Variants in NAV2 observed in about 807,000 individuals in gnomAD.
NAV2 encodes helicase, APC down-regulated 1.
In NAV2, 54 loss-of-function variants were observed where a neutral mutation model predicts 223.2. That is an observed-to-expected ratio of 0.24 (90% confidence interval 0.19 to 0.30). The LOEUF (loss-of-function observed/expected upper bound fraction) is 0.30. Ranked by LOEUF, NAV2 falls within the 10% of genes least tolerant of loss-of-function variation. The pLI is 1.00. For missense variants in NAV2, 2,806 were observed against 3,147.5 expected (o/e 0.89, Z 2.60); for synonymous variants, 1,279 against 1,239.3 (o/e 1.03, Z -0.67).
chr11:19,570,029 C>T (rs1016183322), intron 1 of NAV2, among the ~76,000 whole-genome samples: 6 of 152,212 alleles, frequency 3.9e-5, no homozygotes, highest in Admixed American at 3.9e-4. Flanking sequence ...GGGGGAACAT[C>T]TGTATTTCTT....
intron 1 of NAV2, among the ~76,000 whole-genome samples, chr11:19,451,372 C>T (rs540913564): frequency 6.6e-6 from 1 of 152,182 alleles, no homozygotes; most frequent in East Asian, 1.9e-4. Context: ...GGAAGCAGAT[C>T]TCACCCTAAT....
chr11:19,444,560 C>A (rs1011033946), intron 1 of NAV2, among the ~76,000 whole-genome samples: 1 of 152,004 alleles, frequency 6.6e-6, no homozygotes, highest in Non-Finnish European at 1.5e-5. Flanking sequence ...ACCGGCCCCC[C>A]ACTGCCCACC....
At chr11:19,776,337 G>GT (rs1430363357) in intron 1 of NAV2, among the ~76,000 whole-genome samples, 2 of 152,162 alleles carry the variant, frequency 1.3e-5, no homozygotes, top group African/African-American at 4.8e-5. Flanking sequence ...AGGTGGGGAG[G>GT]TCCCCAGTCC....
chr11:19,649,142 G>A (rs1169443647), intron 1 of NAV2, among the ~76,000 whole-genome samples: 2 of 152,140 alleles, frequency 1.3e-5, no homozygotes, highest in South Asian at 2.1e-4. Context: ...ACTGTGCTAT[G>A]AGGAACATTC....
intron 1 of NAV2, among the ~76,000 whole-genome samples, chr11:19,588,108 TC>T (rs1425989397): frequency 6.6e-6 from 1 of 152,246 alleles, no homozygotes; most frequent in African/African-American, 2.4e-5. Context: ...TCTATTCCTT[TC>T]TTCCCTGACT....
At chr11:19,892,641 A>C in intron 6 of NAV2, 47 bp downstream of exon 6, 1 of 1,593,130 alleles carries the variant, frequency 6.3e-7, no homozygotes, top group Middle Eastern at 1.7e-4. Flanking sequence ...CCTTCAGAGC[A>C]CATCTACCTA....
intron 1 of NAV2, among the ~76,000 whole-genome samples, chr11:19,548,122 CA>C (rs2044564585): frequency 6.6e-6 from 1 of 152,174 alleles, no homozygotes; most frequent in Non-Finnish European, 1.5e-5. Context: ...ATAGGTTTAG[CA>C]ATGATGTCTC....
At chr11:19,938,343 C>T (rs2046096844) in intron 7 of NAV2, among the ~76,000 whole-genome samples, 1 of 152,130 alleles carries the variant, frequency 6.6e-6, no homozygotes, top group Admixed American at 6.5e-5. Context: ...CCTAATTGGC[C>T]TCTAAATGGT....
chr11:19,661,985 C>T (rs61028517), intron 1 of NAV2, among the ~76,000 whole-genome samples: 4,200 of 152,224 alleles, frequency 0.028, 180 homozygotes, highest in African/African-American at 0.085. Context: ...TCAATTGCTA[C>T]TGGCTGCCTG....
intron 35 of NAV2, among the ~76,000 whole-genome samples, chr11:20,106,492 G>A (rs540963553): frequency 4.0e-4 from 56 of 141,710 alleles, no homozygotes; most frequent in African/African-American, 1.3e-3. Context: ...CCCAGGAGGC[G>A]GAGGCTGCTG....
At chr11:19,956,396 G>GCTCTCTCT (rs1295110922) in intron 10 of NAV2, among the ~76,000 whole-genome samples, 1 of 148,850 alleles carries the variant, frequency 6.7e-6, no homozygotes, top group African/African-American at 2.5e-5. Flanking sequence ...ACACACACAC[G>GCTCTCTCT]CTCTCTCTCT....
chr11:19,454,796 C>G (rs1851904306), intron 1 of NAV2, among the ~76,000 whole-genome samples: 1 of 152,080 alleles, frequency 6.6e-6, no homozygotes, highest in Admixed American at 6.5e-5. Context: ...AAGGAGCTAG[C>G]AAGGGGAGTG....
chr11:19,696,176 T>TA (rs936865139), intron 1 of NAV2, among the ~76,000 whole-genome samples: 18 of 151,608 alleles, frequency 1.2e-4, no homozygotes, highest in African/African-American at 4.4e-4. Flanking sequence ...GAAAAAAAAA[T>TA]AAAAAAAATA....
intron 1 of NAV2, among the ~76,000 whole-genome samples, chr11:19,611,145 C>A (rs2135330511): frequency 6.6e-6 from 1 of 152,258 alleles, no homozygotes; most frequent in South Asian, 2.1e-4. Context: ...GCAGAAACCC[C>A]TGATAAACCC....
chr11:19,735,874 G>A (rs973055164), intron 1 of NAV2, among the ~76,000 whole-genome samples: 5 of 152,178 alleles, frequency 3.3e-5, no homozygotes, highest in Non-Finnish European at 7.3e-5. Context: ...ATGGAGGTTG[G>A]GAGGCTGACA....
chr11:19,917,868 T>G (rs1425754946), intron 6 of NAV2, among the ~76,000 whole-genome samples: 1 of 152,212 alleles, frequency 6.6e-6, no homozygotes, highest in Non-Finnish European at 1.5e-5. Flanking sequence ...CCGCCTACCT[T>G]GGCCTCCAAA....
chr11:19,898,593 C>A (rs1050057423), intron 6 of NAV2, among the ~76,000 whole-genome samples: 1 of 152,142 alleles, frequency 6.6e-6, no homozygotes. Context: ...TAATCACTTT[C>A]ATTTATGTTG....
chr11:19,658,912 A>G (rs2048198969), intron 1 of NAV2, among the ~76,000 whole-genome samples: 1 of 152,228 alleles, frequency 6.6e-6, no homozygotes, highest in Non-Finnish European at 1.5e-5. Context: ...TTATAGAGTC[A>G]GGAAGCCAGG....
intron 1 of NAV2, among the ~76,000 whole-genome samples, chr11:19,705,776 T>C (rs2049644672): frequency 6.6e-6 from 1 of 152,148 alleles, no homozygotes; most frequent in South Asian, 2.1e-4. Flanking sequence ...TTTGGGAAAA[T>C]AAACGGGTTT....
Sources: allele counts gnomAD v4.1 joint callset (sites outside exome capture counted in the v4.1 genomes callset), GRCh38; gene constraint gnomAD v4.1.1; transcripts MANE v1.5; gene names NCBI Gene and HGNC (gene_info 2026-07-23, HGNC 2026-07-21).